Variants in THAP5 observed in about 807,000 individuals in gnomAD.
The protein encoded by THAP5 is THAP domain containing 5.
A neutral mutation model predicts 34.0 loss-of-function variants in THAP5; 26 were observed. The observed-to-expected ratio is 0.77, with a 90% CI of 0.56 to 1.06. THAP5 has a LOEUF of 1.06. Ranked by LOEUF, THAP5 falls within the 50% of genes least tolerant of loss-of-function variation. The probability of loss-of-function intolerance (pLI) is 0.00; values close to 1 mark genes in which losing one functional copy is unlikely to be tolerated. For missense variants in THAP5, 394 were observed against 452.8 expected (o/e 0.87, Z 1.18); for synonymous variants, 125 against 153.0 (o/e 0.82, Z 1.35).
downstream of THAP5, among the ~76,000 whole-genome samples, chr7:108,550,472 T>C (rs1864346791): frequency 6.6e-6 from 1 of 151,996 alleles, no homozygotes; most frequent in Non-Finnish European, 1.5e-5. Context: ...TTGCTCCATT[T>C]TTTTTTCTAT....
rs753356834 is a variant in THAP5 at position 108,565,856 on chromosome 7, T to A, written c.247A>T (p.Ile83Leu). 1 of 1,546,762 alleles carries A rather than the reference T, an allele frequency of 6.5e-7. No individual in the cohort carries two copies. The highest frequency in any genetic ancestry group is 8.7e-7 in the Non-Finnish European group (1 of 1,145,942). Reference protein sequence around the residue: ...RYLKQTAVPTIFSLPEDNQGK... With the variant: ...RYLKQTAVPTLFSLPEDNQGK... The stretch of plus-strand genomic sequence containing the variant: ...TGATTGTCTTCAGGCAAAGAAAATA[T>A]TGTTGGAACTGCAGTTTGTTTTAAA... The change falls in exon 2 of 3, where the codon ATA becomes TTA. Residue 83 changes from isoleucine to leucine, a missense_variant. Ile to Leu is a conservative substitution (Grantham distance 5). Coordinates refer to ENST00000415914, the MANE Select transcript of THAP5 (RefSeq NM_001130475.3).
the THAP5 span, among the ~76,000 whole-genome samples, chr7:108,542,102 T>A: frequency 6.6e-6 from 1 of 152,120 alleles, no homozygotes; most frequent in South Asian, 2.1e-4. Context: ...ACTTTCATAG[T>A]TTGTCGAATT....
chr7:108,553,876 A>G (rs1030476412), downstream of THAP5, among the ~76,000 whole-genome samples: 11 of 152,186 alleles, frequency 7.2e-5, no homozygotes, highest in Non-Finnish European at 1.5e-4. Context: ...CATGAAATAG[A>G]AATACTCATG....
At chr7:108,549,101 C>CACACACACACAT in the THAP5 span, among the ~76,000 whole-genome samples, 2 of 149,434 alleles carry the variant, frequency 1.3e-5, no homozygotes, top group African/African-American at 2.5e-5. Flanking sequence ...CACACACACA[C>CACACACACACAT]ACACACACAC....
At chr7:108,545,107 G>C in the THAP5 span, among the ~76,000 whole-genome samples, 1 of 152,288 alleles carries the variant, frequency 6.6e-6, no homozygotes, top group South Asian at 2.1e-4. Flanking sequence ...GCTATAGTTT[G>C]TTGAATTTGA....
At chr7:108,542,897 GC>G in the THAP5 span, among the ~76,000 whole-genome samples, 1 of 151,788 alleles carries the variant, frequency 6.6e-6, no homozygotes, top group Non-Finnish European at 1.5e-5. Context: ...AGAAGACTAG[GC>G]TCAAAACTTT....
In THAP5 at chr7:108,564,405, C is replaced by A; in HGVS notation, c.974G>T (p.Cys325Phe). ...ATGTTCCTTATTTATATCTTGTCTG[C>A]AGTAAGAATGTTCGATTTGTAAAAC... ...TEVLQIEHSY[C>F]RQDINKEHLW... Residue 325 changes from cysteine (C) to phenylalanine (F), a missense_variant, in exon 3 of 3, where the codon TGC (cysteine) becomes TTC (phenylalanine). Cys to Phe is a radical substitution (Grantham distance 205). Transcript: ENST00000415914. The A allele has an allele frequency of 1.2e-6, 2 of 1,613,830 alleles. No individual in the cohort carries two copies. The highest frequency in any genetic ancestry group is 1.7e-6 in the Non-Finnish European group (2 of 1,179,878).
Position 108,566,026 on chromosome 7 carries a change from G to C in THAP5, c.81-4C>G. ...TTCTTTGTCATGTAGAGGAAATCTG[G>C]AATTTAAAAAAAAAAGAAGAAAAAA... On this transcript the variant is annotated splice_polypyrimidine_tract_variant and splice_region_variant and intron_variant, in intron 1 of 2. Transcript: ENST00000415914. 1 of 1,482,928 alleles carries C rather than the reference G, an allele frequency of 6.7e-7. No individual in the cohort carries two copies. The highest frequency in any genetic ancestry group is 8.9e-7 in the Non-Finnish European group (1 of 1,119,086). The allele number at this position is 1,482,928 out of a possible 1,614,324, so 91.9% of individuals were successfully genotyped here.
chr7:108,545,616 A>C, the THAP5 span, among the ~76,000 whole-genome samples: 1 of 152,366 alleles, frequency 6.6e-6, no homozygotes, highest in South Asian at 2.1e-4. Flanking sequence ...TTAGAAAAAT[A>C]TCAAAGTCTT....
At chr7:108,553,722 C>T (rs1864368090), downstream of THAP5, among the ~76,000 whole-genome samples, 1 of 152,142 alleles carries the variant, frequency 6.6e-6, no homozygotes, top group Non-Finnish European at 1.5e-5. Flanking sequence ...TGGCAGAGAA[C>T]CTTGCTGAGG....
At chr7:108,545,737 G>T in the THAP5 span, among the ~76,000 whole-genome samples, 222 of 152,194 alleles carry the variant, frequency 1.5e-3, 1 homozygote, top group East Asian at 8.9e-3. Flanking sequence ...GAGTTTCATT[G>T]ATTTATTTGT....
chr7:108,569,025 T>A, intron 1 of THAP5: 2 of 844,958 alleles, frequency 2.4e-6, no homozygotes, highest in Non-Finnish European at 2.9e-6. Context: ...ACTTTCAAGG[T>A]CGGTTACCTA....
chr7:108,547,712 T>C, the THAP5 span, among the ~76,000 whole-genome samples: 1 of 152,256 alleles, frequency 6.6e-6, no homozygotes, highest in Admixed American at 6.5e-5. Context: ...CTTTTAGTCC[T>C]AGTTCTATTC....
At chr7:108,551,543 T>C (rs1564007209), downstream of THAP5, among the ~76,000 whole-genome samples, 1 of 152,242 alleles carries the variant, frequency 6.6e-6, no homozygotes, top group Non-Finnish European at 1.5e-5. Context: ...GCGTCAGGCA[T>C]TCTGTTATAG....
chr7:108,542,200 A>G, the THAP5 span, among the ~76,000 whole-genome samples: 2 of 152,280 alleles, frequency 1.3e-5, no homozygotes, highest in East Asian at 3.9e-4. Context: ...ATATAGATAT[A>G]TATTATGTAG....
chr7:108,554,405 A>G (rs746054371), downstream of THAP5: 6 of 152,226 alleles, frequency 3.9e-5, no homozygotes, highest in Non-Finnish European at 7.3e-5. Flanking sequence ...TGTGGGTAAG[A>G]TAGGAGACAC....
chr7:108,562,572 A>G lies in THAP5; in HGVS notation c.*1619T>C, dbSNP rs1250274594. On this transcript the variant is annotated 3_prime_UTR_variant, in exon 3 of 3. Coordinates refer to ENST00000415914, the MANE Select transcript of THAP5 (RefSeq NM_001130475.3). The stretch of plus-strand genomic sequence containing the variant: ...CACCTCCTATATTCCAGAACCAAAA[A>G]CATGTTTGTTCCTTACAAAATTCTC... 1.3e-5 allele frequency: 2 copies of G among 152,174 alleles called. No individual in the cohort carries two copies. The highest frequency in any genetic ancestry group is 2.4e-5 in the African/African-American group (1 of 41,440). The allele number at this position is 152,174 out of a possible 1,614,324, so 9.4% of individuals were successfully genotyped here.
At chr7:108,543,674 A>G in the THAP5 span, among the ~76,000 whole-genome samples, 1 of 152,216 alleles carries the variant, frequency 6.6e-6, no homozygotes, top group African/African-American at 2.4e-5. Flanking sequence ...AATATCTCCC[A>G]GTATTTTTTA....
intron 1 of THAP5, chr7:108,568,229 G>A (rs555203081): frequency 1.3e-5 from 2 of 152,374 alleles, no homozygotes; most frequent in East Asian, 3.9e-4. Flanking sequence ...TTTTGAGACG[G>A]AGTTTCGCTC....
Sources: allele counts gnomAD v4.1 joint callset (sites outside exome capture counted in the v4.1 genomes callset), GRCh38; gene constraint gnomAD v4.1.1; transcripts MANE v1.5; gene names NCBI Gene and HGNC (gene_info 2026-07-23, HGNC 2026-07-21).